The following VAPB variants were observed in gnomAD, a reference collection of about 807,000 sequenced individuals.
VAPB encodes vesicle-associated membrane protein-associated protein B/C.
Under a neutral mutation model 25.6 loss-of-function variants are expected in VAPB, and 7 were observed. The observed-to-expected ratio is 0.27, with a 90% CI of 0.16 to 0.51. VAPB has a LOEUF of 0.51. Ranked by LOEUF, VAPB falls within the 20% of genes least tolerant of loss-of-function variation. The probability of loss-of-function intolerance (pLI) is 0.97; values close to 1 mark genes in which losing one functional copy is unlikely to be tolerated. For synonymous variants in VAPB, 112 were observed against 109.2 expected (o/e 1.03, Z -0.16); for missense variants, 266 against 301.3 (o/e 0.88, Z 0.87).
intron 1 of VAPB, among the ~76,000 whole-genome samples, chr20:58,399,759 CT>C (rs1311231394): frequency 6.6e-6 from 1 of 151,746 alleles, no homozygotes; most frequent in African/African-American, 2.4e-5. Context: ...GTGTTTCCCC[CT>C]AAGAACTTCT....
rs1193919784 is a variant in VAPB at position 58,450,394 on chromosome 20, C to T, written c.*6159C>T. 5 of 453,788 alleles carry T rather than the reference C, an allele frequency of 1.1e-5. No homozygotes were observed. Among genetic ancestry groups the T allele is most frequent in the Admixed American group, 2.4e-5 (1 of 42,540 alleles). 28.1% of individuals were successfully genotyped at this position (453,788 alleles called of 1,614,324 possible). On this transcript the variant is annotated 3_prime_UTR_variant, in exon 6 of 6. Transcript: ENST00000475243. ...TATGAGGTGCTGCGAAATTAGTGGGCGTGGCTTTTTATATTTTTCATTCGT... is the reference window on the plus strand; with the variant it reads ...TATGAGGTGCTGCGAAATTAGTGGGTGTGGCTTTTTATATTTTTCATTCGT...
chr20:58,448,608 C>T lies in VAPB; in HGVS notation c.*4373C>T, dbSNP rs1300026237. ...CCATTTCAGCTCTGAAAATCTGCTT[C>T]AGGGAAGTGAGTGGATGAGGCCTTC... On this transcript the variant is annotated 3_prime_UTR_variant, in exon 6 of 6. Coordinates refer to ENST00000475243, the MANE Select transcript of VAPB (RefSeq NM_004738.5). The T allele has an allele frequency of 2.2e-6, 1 of 454,092 alleles. No individual in the cohort carries two copies. Among genetic ancestry groups the T allele is most frequent in the East Asian group, 7.0e-5 (1 of 14,386 alleles). The allele number at this position is 454,092 out of a possible 1,614,324, so 28.1% of individuals were successfully genotyped here. A position where few individuals can be genotyped will look rare whatever the true frequency, so the allele number is the denominator to read the frequency against.
intron 1 of VAPB, among the ~76,000 whole-genome samples, chr20:58,403,928 A>G (rs541560781): frequency 2.1e-4 from 32 of 151,868 alleles, no homozygotes; most frequent in African/African-American, 7.7e-4. Flanking sequence ...CTTGTCTTTC[A>G]CTCCCCATTT....
In VAPB at chr20:58,449,613, T is replaced by C. The variant is rs1441322749; in HGVS notation, c.*5378T>C. On this transcript the variant is annotated 3_prime_UTR_variant, in exon 6 of 6. Coordinates refer to ENST00000475243, the MANE Select transcript of VAPB (RefSeq NM_004738.5). ...GATATGGATTGCTTTGATTAAAAGA[T>C]GTCAGTTGAATAAAACAGTACTGTG... is the stretch of plus-strand genomic sequence containing the variant. 1.1e-5 allele frequency: 5 copies of C among 453,960 alleles called. No individual in the cohort carries two copies. The highest frequency in any genetic ancestry group is 2.0e-5 in the African/African-American group (1 of 50,024). The allele number at this position is 453,960 out of a possible 1,614,324, so 28.1% of individuals were successfully genotyped here. A position where few individuals can be genotyped will look rare whatever the true frequency, so the allele number is the denominator to read the frequency against.
At chr20:58,420,677 C>A (rs1988649366) in intron 2 of VAPB, among the ~76,000 whole-genome samples, 1 of 152,204 alleles carries the variant, frequency 6.6e-6, no homozygotes, top group Non-Finnish European at 1.5e-5. Context: ...TGTAGACTTT[C>A]TTCCTAGATG....
chr20:58,449,565 A>C lies in VAPB; in HGVS notation c.*5330A>C. 1 of 454,152 alleles carries C rather than the reference A, an allele frequency of 2.2e-6. No homozygotes were observed. The highest frequency in any genetic ancestry group is 1.6e-5 in the South Asian group (1 of 64,484). 28.1% of individuals were successfully genotyped at this position (454,152 alleles called of 1,614,324 possible). On this transcript the variant is annotated 3_prime_UTR_variant, in exon 6 of 6. Coordinates refer to ENST00000475243, the MANE Select transcript of VAPB (RefSeq NM_004738.5). ...TAACTTGCCATAAATATTTGCAGTTATGATACCTTGGAATGTTGCCACGAT... is the reference window on the plus strand; with the variant it reads ...TAACTTGCCATAAATATTTGCAGTTCTGATACCTTGGAATGTTGCCACGAT...
intron 2 of VAPB, among the ~76,000 whole-genome samples, chr20:58,427,353 A>G (rs34830750): frequency 0.076 from 11,350 of 149,440 alleles, 560 homozygotes; most frequent in Non-Finnish European, 0.11. Context: ...ATCTGTTACC[A>G]TTATGATGCA....
At position 58,448,100 on chromosome 20, in the gene VAPB, C is replaced by CT. The variant is rs746378246; in HGVS notation, c.*3867dup. 1.1e-5 allele frequency: 5 copies of CT among 453,998 alleles called. No homozygotes were observed. Among genetic ancestry groups the CT allele is most frequent in the Non-Finnish European group, 2.2e-5 (5 of 226,776 alleles). 28.1% of individuals were successfully genotyped at this position (453,998 alleles called of 1,614,324 possible). On this transcript the variant is annotated 3_prime_UTR_variant, in exon 6 of 6. Coordinates refer to ENST00000475243, the MANE Select transcript of VAPB (RefSeq NM_004738.5). ...CTGAGGAGACCTCTCTTAATTAACA[C>CT]TTGGGGCCATGTTTGCTGTTGTTGA...
chr20:58,423,366 C>T (rs1214833258), intron 2 of VAPB, among the ~76,000 whole-genome samples: 4 of 131,950 alleles, frequency 3.0e-5, no homozygotes, highest in East Asian at 2.3e-4. Flanking sequence ...GAGCCAAGAT[C>T]GCGCCATTGC....
rs1372418622 is a variant in VAPB at position 58,450,645 on chromosome 20, A to G, written c.*6410A>G. 2.2e-6 allele frequency: 1 copy of G among 454,010 alleles called. No individual in the cohort carries two copies. The highest frequency in any genetic ancestry group is 1.6e-5 in the South Asian group (1 of 64,478). 28.1% of individuals were successfully genotyped at this position (454,010 alleles called of 1,614,324 possible). A position where few individuals can be genotyped will look rare whatever the true frequency, so the allele number is the denominator to read the frequency against. On this transcript the variant is annotated 3_prime_UTR_variant, in exon 6 of 6. Transcript: ENST00000475243. The stretch of plus-strand genomic sequence containing the variant: ...CAGTAACCCATGCTGTTCTCTCCCT[A>G]TTCTACGTCTTTCTCCCTATGTTGA...
At chr20:58,412,955 T>A (rs1474730781) in intron 1 of VAPB, among the ~76,000 whole-genome samples, 1 of 152,186 alleles carries the variant, frequency 6.6e-6, no homozygotes, top group Non-Finnish European at 1.5e-5. Context: ...GCCATTTTTT[T>A]ATGACATTTT....
chr20:58,399,588 T>G (rs748411355), intron 1 of VAPB, among the ~76,000 whole-genome samples: 8 of 151,864 alleles, frequency 5.3e-5, no homozygotes, highest in Non-Finnish European at 8.8e-5. Flanking sequence ...TGGTGGTGTA[T>G]GCCTGTAATC....
chr20:58,405,709 T>G, intron 1 of VAPB, among the ~76,000 whole-genome samples: 1 of 142,820 alleles, frequency 7.0e-6, no homozygotes, highest in Non-Finnish European at 1.5e-5. Flanking sequence ...ATGCTAGGAT[T>G]ACAGGTGTGA....
chr20:58,427,724 T>C (rs1280835986), intron 2 of VAPB, among the ~76,000 whole-genome samples: 1 of 151,422 alleles, frequency 6.6e-6, no homozygotes, highest in Non-Finnish European at 1.5e-5. Context: ...ACCATTATGA[T>C]GCAGGCAGAA....
rs1404003521 is a variant in VAPB, at chr20:58,389,251, A to ACCGCGG, written c.-206_-201dup. 1.7e-5 allele frequency: 11 copies of ACCGCGG among 654,878 alleles called. No individual in the cohort carries two copies. Among genetic ancestry groups the ACCGCGG allele is most frequent in the South Asian group, 3.1e-5 (2 of 64,920 alleles). 40.6% of individuals were successfully genotyped at this position (654,878 alleles called of 1,614,324 possible). A position where few individuals can be genotyped will look rare whatever the true frequency, so the allele number is the denominator to read the frequency against. ...CGTGCGTGCCGTCAGCTCGCCGGGC[A>ACCGCGG]CCGCGGCCTCGCCCTCGCCCTCCGC... is the stretch of plus-strand genomic sequence containing the variant. On this transcript the variant is annotated 5_prime_UTR_variant, in exon 1 of 6. Coordinates refer to ENST00000475243, the MANE Select transcript of VAPB (RefSeq NM_004738.5).
intron 2 of VAPB, among the ~76,000 whole-genome samples, chr20:58,430,043 TA>T (rs370143812): frequency 1.1e-3 from 154 of 142,732 alleles, no homozygotes; most frequent in Admixed American, 1.7e-3. Flanking sequence ...CCTCATCTCT[TA>T]AAAAAAAAAA....
At chr20:58,422,948 G>A (rs1194275983) in intron 2 of VAPB, among the ~76,000 whole-genome samples, 1 of 152,142 alleles carries the variant, frequency 6.6e-6, no homozygotes, top group African/African-American at 2.4e-5. Flanking sequence ...ACTTTACTAA[G>A]TGTACCTTGG....
rs188174997 is a variant in VAPB at position 58,440,684 on chromosome 20, C to T, written c.397-223C>T. On this transcript the variant is annotated intron_variant, in intron 4 of 5. Transcript: ENST00000475243. Reference sequence around the variant, plus strand: ...TCTTTCTTTGAAGTATTAGTCTCAGCCGAACTTCATTATTTGCCCTTATCC... The same window carrying T: ...TCTTTCTTTGAAGTATTAGTCTCAGTCGAACTTCATTATTTGCCCTTATCC... 2.5e-4 allele frequency: 113 copies of T among 460,048 alleles called. 2 individuals carry two copies. The East Asian group carries it at 3.7e-3, about 15-fold the overall frequency. 28.5% of individuals were successfully genotyped at this position (460,048 alleles called of 1,614,324 possible).
chr20:58,394,753 A>G (rs1483459221), intron 1 of VAPB, among the ~76,000 whole-genome samples: 2 of 152,196 alleles, frequency 1.3e-5, no homozygotes, highest in Non-Finnish European at 2.9e-5. Context: ...GAAAAAATGT[A>G]TAGTTCTTGA....
Sources: gnomAD v4.1 joint callset for allele counts (sites outside exome capture counted in the v4.1 genomes callset) on GRCh38, gnomAD v4.1.1 for gene constraint, MANE v1.5 for transcripts, NCBI Gene and HGNC (gene_info 2026-07-23, HGNC 2026-07-21) for gene names.